GLDN: variants seen among roughly 807,000 people sequenced by gnomAD.
GLDN encodes gliomedin, also known as collomin.
GLDN carries 47 observed loss-of-function variants against 56.5 expected under a neutral mutation model. That is an observed-to-expected ratio of 0.83 (90% CI 0.66 to 1.06). GLDN has a LOEUF of 1.06. Among genes scored for constraint, GLDN ranks in the 50% least tolerant of loss-of-function variants. The pLI, the probability that GLDN is intolerant of heterozygous loss-of-function variation, is 0.00. For missense variants in GLDN, 782 were observed against 714.3 expected (o/e 1.09, Z -1.08); for synonymous variants, 332 against 278.8 (o/e 1.19, Z -1.90).
At chr15:51,384,316 G>A (rs1343465788) in intron 4 of GLDN, 2 of 229,346 alleles carry the variant, frequency 8.7e-6, no homozygotes, top group South Asian at 6.0e-5. Context: ...ACTGATGTTG[G>A]CCCCTGGTAA....
intron 4 of GLDN, among the ~76,000 whole-genome samples, chr15:51,386,139 C>T (rs2037886353): frequency 6.6e-6 from 1 of 152,118 alleles, no homozygotes; most frequent in African/African-American, 2.4e-5. Flanking sequence ...GCAAAGACAC[C>T]CTTCTCTACA....
chr15:51,358,425 C>G (rs1417625017), intron 1 of GLDN, among the ~76,000 whole-genome samples: 1 of 152,230 alleles, frequency 6.6e-6, no homozygotes, highest in Non-Finnish European at 1.5e-5. Flanking sequence ...AAGACTCACT[C>G]TTAGATGCAA....
At chr15:51,383,132 T>G (rs1431477431) in intron 2 of GLDN, among the ~76,000 whole-genome samples, 2 of 152,180 alleles carry the variant, frequency 1.3e-5, no homozygotes, top group Non-Finnish European at 2.9e-5. Context: ...CCACCAGCAT[T>G]GTTACTGGCC....
intron 8 of GLDN, 112 bp downstream of exon 8, chr15:51,400,610 G>A (rs1394721265): frequency 1.8e-5 from 21 of 1,138,326 alleles, no homozygotes; most frequent in Non-Finnish European, 2.7e-5. Context: ...GGTAGCTGGT[G>A]TAATAAATGT....
chr15:51,377,213 A>T, intron 1 of GLDN: 1 of 550,142 alleles, frequency 1.8e-6, no homozygotes, highest in East Asian at 3.0e-5. Context: ...CTACCCCGTG[A>T]CTGGACAAAT....
chr15:51,409,176 C>T (rs533252263), downstream of GLDN, among the ~76,000 whole-genome samples: 27 of 150,946 alleles, frequency 1.8e-4, no homozygotes, highest in African/African-American at 3.2e-4. Context: ...GATCAGGTAA[C>T]GCTGTCACAA....
intron 4 of GLDN, among the ~76,000 whole-genome samples, chr15:51,390,731 C>G (rs577011760): frequency 4.6e-5 from 7 of 152,118 alleles, no homozygotes; most frequent in Admixed American, 1.3e-4. Context: ...CACACAACTC[C>G]AAACTCAAAT....
chr15:51,374,676 A>G (rs116479744), intron 1 of GLDN, among the ~76,000 whole-genome samples: 2,680 of 149,352 alleles, frequency 0.018, 91 homozygotes, highest in African/African-American at 0.063. Flanking sequence ...TTTCATATAT[A>G]TGTGTTTGTC....
intron 1 of GLDN, among the ~76,000 whole-genome samples, chr15:51,365,987 A>C (rs2037392904): frequency 6.6e-6 from 1 of 152,236 alleles, no homozygotes; most frequent in Non-Finnish European, 1.5e-5. Context: ...AGGACTCACA[A>C]ATAGGCAATT....
downstream of GLDN, among the ~76,000 whole-genome samples, chr15:51,408,735 A>T (rs915897567): frequency 2.6e-5 from 4 of 152,022 alleles, no homozygotes; most frequent in Admixed American, 6.6e-5. Flanking sequence ...CCTGTGTCCA[A>T]GTGTTCTCAT....
intron 9 of GLDN, among the ~76,000 whole-genome samples, chr15:51,403,200 G>A (rs1160925183): frequency 6.6e-6 from 1 of 152,158 alleles, no homozygotes; most frequent in East Asian, 1.9e-4. Context: ...AGCTGAATTC[G>A]ACCCTGTAAT....
At chr15:51,356,462 G>C (rs2037189202) in intron 1 of GLDN, among the ~76,000 whole-genome samples, 1 of 152,170 alleles carries the variant, frequency 6.6e-6, no homozygotes, top group African/African-American at 2.4e-5. Flanking sequence ...TTAAAAGAGA[G>C]AAGGAAAACT....
intron 5 of GLDN, among the ~76,000 whole-genome samples, chr15:51,396,010 A>G (rs2038120173): frequency 6.6e-6 from 1 of 152,168 alleles, no homozygotes; most frequent in African/African-American, 2.4e-5. Context: ...GACCCAAGCC[A>G]TTCATGAGGG....
At position 51,396,448 on chromosome 15, in the gene GLDN, G is replaced by A. The variant is rs2038131293; in HGVS notation, c.689-1022G>A. Among the ~76,000 whole-genome samples the A allele has an allele frequency of 2.6e-5, 4 of 152,224 alleles. No individual in the cohort carries two copies. The South Asian group carries it at 8.3e-4, about 31-fold the overall frequency. On this transcript the variant is annotated intron_variant, in intron 5 of 9. Coordinates refer to ENST00000335449, the MANE Select transcript of GLDN (RefSeq NM_181789.4). The stretch of plus-strand genomic sequence containing the variant: ...GGGAGAAGAGGGTAAGGGGCAGAAA[G>A]CCACAAAGACAATAGCACAGAGGAA...
At chr15:51,410,204 T>C (rs535703843), downstream of GLDN, among the ~76,000 whole-genome samples, 2 of 152,328 alleles carry the variant, frequency 1.3e-5, no homozygotes, top group African/African-American at 4.8e-5. Context: ...TCCTTAGATA[T>C]CACCCCTTCC....
downstream of GLDN, among the ~76,000 whole-genome samples, chr15:51,411,096 G>A (rs140278853): frequency 7.7e-4 from 117 of 152,326 alleles, no homozygotes; most frequent in African/African-American, 2.6e-3. Flanking sequence ...GGGACTGAAA[G>A]GATAATAAAA....
chr15:51,378,892 T>G (rs1379673903), intron 2 of GLDN, among the ~76,000 whole-genome samples: 1 of 151,978 alleles, frequency 6.6e-6, no homozygotes, highest in Non-Finnish European at 1.5e-5. Flanking sequence ...CTTCAGAGGG[T>G]GGACACAGAG....
intron 2 of GLDN, among the ~76,000 whole-genome samples, chr15:51,380,098 C>T (rs1013046634): frequency 6.6e-5 from 10 of 152,144 alleles, no homozygotes; most frequent in South Asian, 2.1e-4. Flanking sequence ...GTACAGAGGA[C>T]ACATCATGGG....
chr15:51,353,118 C>T (rs910945174), intron 1 of GLDN, among the ~76,000 whole-genome samples: 2 of 152,196 alleles, frequency 1.3e-5, no homozygotes, highest in Non-Finnish European at 2.9e-5. Context: ...CCACCAACAC[C>T]AATAAACTGG....
Sources: gnomAD v4.1 joint callset for allele counts (sites outside exome capture counted in the v4.1 genomes callset) on GRCh38, gnomAD v4.1.1 for gene constraint, MANE v1.5 for transcripts, NCBI Gene and HGNC (gene_info 2026-07-23, HGNC 2026-07-21) for gene names.